Variants in PLA2G4A observed in about 807,000 individuals in gnomAD.
The protein encoded by PLA2G4A is cytosolic phospholipase A2.
A neutral mutation model predicts 81.9 loss-of-function variants in PLA2G4A; 40 were observed. The ratio of observed to expected loss-of-function variants is 0.49; its 90% confidence interval spans 0.38 to 0.64. PLA2G4A has a LOEUF of 0.64. Among genes scored for constraint, PLA2G4A ranks in the 30% least tolerant of loss-of-function variants. The probability of loss-of-function intolerance (pLI) is 0.00; values close to 1 mark genes in which losing one functional copy is unlikely to be tolerated. For missense variants in PLA2G4A, 715 were observed against 905.1 expected (o/e 0.79, Z 2.69); for synonymous variants, 302 against 296.9 (o/e 1.02, Z -0.18).
At chr1:186,856,760 A>G (rs1652568291) in intron 2 of PLA2G4A, among the ~76,000 whole-genome samples, 1 of 151,970 alleles carries the variant, frequency 6.6e-6, no homozygotes, top group African/African-American at 2.4e-5. Flanking sequence ...AATAACAGGA[A>G]TCCTTCTGGA....
At chr1:186,897,140 T>A (rs1466541439) in intron 5 of PLA2G4A, among the ~76,000 whole-genome samples, 1 of 152,168 alleles carries the variant, frequency 6.6e-6, no homozygotes, top group Non-Finnish European at 1.5e-5. Context: ...CAAGGCAAAA[T>A]AGTATTAGCA....
intron 16 of PLA2G4A, 95 bp from the exon 17 acceptor site, chr1:186,979,220 C>G: frequency 2.2e-6 from 2 of 910,972 alleles, no homozygotes; most frequent in Non-Finnish European, 3.6e-6. Context: ...GGGACTCCCA[C>G]TGCTGTCTTT....
At chr1:186,907,765 T>G (rs2102146768) in intron 6 of PLA2G4A, among the ~76,000 whole-genome samples, 1 of 152,360 alleles carries the variant, frequency 6.6e-6, no homozygotes, top group East Asian at 1.9e-4. Context: ...GGCATTTGTT[T>G]ATTGTATTTT....
In PLA2G4A at chr1:186,939,045, G is replaced by C. The variant is rs749301405; in HGVS notation, c.733G>C (p.Glu245Gln). 6.2e-7 allele frequency: 1 copy of C among 1,609,762 alleles called. No individual in the cohort carries two copies. The highest frequency in any genetic ancestry group is 2.2e-5 in the East Asian group (1 of 44,782). ...STLYSHPDFP[E>Q]KGPEEINEEL... ...CTTGTATTCTCACCCTGATTTTCCA[G>C]AGAAAGGGCCAGAGGAGATTAATGA... The change falls in exon 9 of 18, where the codon GAG becomes CAG. Residue 245 changes from glutamate (E) to glutamine (Q), a missense_variant. Coordinates refer to ENST00000367466, the MANE Select transcript of PLA2G4A (RefSeq NM_024420.3).
chr1:186,890,113 G>A (rs1654082820), intron 3 of PLA2G4A, among the ~76,000 whole-genome samples: 1 of 152,308 alleles, frequency 6.6e-6, no homozygotes, highest in South Asian at 2.1e-4. Context: ...GATCCCTGTA[G>A]TCATTACTTA....
chr1:186,923,422 T>C (rs755442511), intron 7 of PLA2G4A, among the ~76,000 whole-genome samples: 1 of 152,232 alleles, frequency 6.6e-6, no homozygotes, highest in African/African-American at 2.4e-5. Context: ...AAAATGATAT[T>C]ACAAATTCTT....
rs1480246448 is a variant in PLA2G4A, at chr1:186,984,264, T to G, written c.2119-4113T>G. On this transcript the variant is annotated intron_variant, in intron 17 of 17. Transcript: ENST00000367466. ...ATATAGTACATGCCTGCCCACGTAG[T>G]ATGGCTGCATACTCTATCTACTCTT... 2.0e-5 allele frequency among the ~76,000 whole-genome samples: 3 copies of G among 152,198 alleles called. No individual in the cohort carries two copies. The East Asian group carries it at 5.8e-4, about 29-fold the overall frequency.
chr1:186,839,918 G>A (rs984264230), intron 1 of PLA2G4A, among the ~76,000 whole-genome samples: 2 of 149,626 alleles, frequency 1.3e-5, no homozygotes, highest in Non-Finnish European at 3.0e-5. Flanking sequence ...ATTATTTAAA[G>A]GGTCTGCAGA....
chr1:186,955,734 C>CTTTT (rs59494152), intron 13 of PLA2G4A, among the ~76,000 whole-genome samples: 58,136 of 108,366 alleles, frequency 0.54, 17,743 homozygotes, highest in Middle Eastern at 0.64. Context: ...AAGAAGATCC[C>CTTTT]TTTTTTTTTT....
At chr1:186,843,628 G>T (rs1382954233) in intron 1 of PLA2G4A, among the ~76,000 whole-genome samples, 1 of 152,186 alleles carries the variant, frequency 6.6e-6, no homozygotes, top group Non-Finnish European at 1.5e-5. Flanking sequence ...TAAATTAAGA[G>T]ATGACTGACT....
At chr1:186,872,061 G>C (rs1274539321) in intron 3 of PLA2G4A, among the ~76,000 whole-genome samples, 1 of 152,058 alleles carries the variant, frequency 6.6e-6, no homozygotes, top group Non-Finnish European at 1.5e-5. Context: ...AACAGCAAGA[G>C]TTTTGGCTGA....
rs1452249029 is a variant in PLA2G4A at position 186,959,022 on chromosome 1, G to T, written c.1579+2678G>T. 2.6e-5 allele frequency among the ~76,000 whole-genome samples: 4 copies of T among 151,958 alleles called. No individual in the cohort carries two copies. In the East Asian group the frequency reaches 5.8e-4, roughly 22 times the overall value. On this transcript the variant is annotated intron_variant, in intron 14 of 17. Coordinates refer to ENST00000367466, the MANE Select transcript of PLA2G4A (RefSeq NM_024420.3). The stretch of plus-strand genomic sequence containing the variant: ...TCCTGTATTTTTTTAGCTAAATTTG[G>T]CAACTTTAGGATGTATGCCTCTTCC...
chr1:186,905,850 G>A (rs1571386910), intron 5 of PLA2G4A, among the ~76,000 whole-genome samples: 1 of 152,256 alleles, frequency 6.6e-6, no homozygotes, highest in Middle Eastern at 3.4e-3. Context: ...TTGTATAGAT[G>A]TTTTCAATAC....
intron 2 of PLA2G4A, among the ~76,000 whole-genome samples, chr1:186,857,175 A>AT (rs369357874): frequency 5.1e-5 from 1 of 19,794 alleles, no homozygotes; most frequent in African/African-American, 2.8e-4. Flanking sequence ...ATAATTATAT[A>AT]ATATGTCTGC....
chr1:186,870,849 G>C lies in PLA2G4A; in HGVS notation c.115+333G>C. 5 of 658,624 alleles carry C rather than the reference G, an allele frequency of 7.6e-6. No homozygotes were observed. In the East Asian group the frequency reaches 1.9e-4, roughly 25 times the overall value. The allele number at this position is 658,624 out of a possible 1,614,324, so 40.8% of individuals were successfully genotyped here. A position where few individuals can be genotyped will look rare whatever the true frequency, so the allele number is the denominator to read the frequency against. ...CAGAGGTTCTGCCTTCTTCAAATGT[G>C]GTTATGTTTGTCTGGATCTTTGAAC... is the stretch of plus-strand genomic sequence containing the variant. On this transcript the variant is annotated intron_variant, in intron 3 of 17. Transcript: ENST00000367466.
chr1:186,956,090 A>C lies in PLA2G4A; in HGVS notation c.1337-12A>C. On this transcript the variant is annotated splice_polypyrimidine_tract_variant and intron_variant, in intron 13 of 17. Coordinates refer to ENST00000367466, the MANE Select transcript of PLA2G4A (RefSeq NM_024420.3). ...TTTGGAGTCTGTATGGTGACCTTTT[A>C]TTTTTCCCTAGGCACTGAAAATGAA... is the stretch of plus-strand genomic sequence containing the variant. 6.2e-7 allele frequency: 1 copy of C among 1,611,954 alleles called. No homozygotes were observed. The highest frequency in any genetic ancestry group is 8.5e-7 in the Non-Finnish European group (1 of 1,178,376).
At chr1:186,846,754 T>G (rs1652190140) in intron 1 of PLA2G4A, among the ~76,000 whole-genome samples, 1 of 152,198 alleles carries the variant, frequency 6.6e-6, no homozygotes, top group African/African-American at 2.4e-5. Flanking sequence ...CATGTCTCTT[T>G]TTTTAAATTC....
At chr1:186,931,103 A>G (rs532901607) in intron 7 of PLA2G4A, among the ~76,000 whole-genome samples, 2 of 152,056 alleles carry the variant, frequency 1.3e-5, no homozygotes, top group East Asian at 1.9e-4. Flanking sequence ...TTAGTTTCCT[A>G]CCTTAACTTT....
In PLA2G4A at chr1:186,939,223, T is replaced by C. The variant is rs772254509; in HGVS notation, c.911T>C (p.Ile304Thr). 2 of 1,487,670 alleles carry C rather than the reference T, an allele frequency of 1.3e-6. No homozygotes were observed. Among genetic ancestry groups the C allele is most frequent in the Non-Finnish European group, 1.9e-6 (2 of 1,064,998 alleles). 92.2% of individuals were successfully genotyped at this position (1,487,670 alleles called of 1,614,324 possible). The change falls in exon 9 of 18, where the codon ATT becomes ACT. Residue 304 changes from isoleucine (I) to threonine (T), a missense_variant. Physicochemically the swap from Ile to Thr is moderately conservative, Grantham distance 89. Coordinates refer to ENST00000367466, the MANE Select transcript of PLA2G4A (RefSeq NM_024420.3). ...GGGATGTTAATAGGAGAAACACTAATTCATAATGTAAGTTACAGTTCAATC... is the reference window on the plus strand; with the variant it reads ...GGGATGTTAATAGGAGAAACACTAACTCATAATGTAAGTTACAGTTCAATC... ...IFGMLIGETL[I>T]HNRMNTTLSS...
Sources: gnomAD v4.1 joint callset for allele counts (sites outside exome capture counted in the v4.1 genomes callset) on GRCh38, gnomAD v4.1.1 for gene constraint, MANE v1.5 for transcripts, NCBI Gene and HGNC (gene_info 2026-07-23, HGNC 2026-07-21) for gene names.